Variants in NYAP2 observed in about 807,000 individuals in gnomAD.
NYAP2 encodes neuronal tyrosine-phosphorylated phosphoinositide-3-kinase adapter 2.
A neutral mutation model predicts 50.4 loss-of-function variants in NYAP2; 23 were observed. That is an observed-to-expected ratio of 0.46 (90% confidence interval 0.33 to 0.65). NYAP2 has a LOEUF of 0.65. Among genes scored for constraint, NYAP2 ranks in the 30% least tolerant of loss-of-function variants. The probability of loss-of-function intolerance (pLI) is 0.02; values close to 1 mark genes in which losing one functional copy is unlikely to be tolerated. For missense variants in NYAP2, 885 were observed against 861.0 expected (o/e 1.03, Z -0.35); for synonymous variants, 394 against 365.2 (o/e 1.08, Z -0.90).
At chr2:225,638,273 G>A (rs1041311158) in intron 6 of NYAP2, among the ~76,000 whole-genome samples, 2 of 151,674 alleles carry the variant, frequency 1.3e-5, no homozygotes, top group African/African-American at 4.8e-5. Flanking sequence ...AGAGGGGTGA[G>A]AAGTGTCTCC....
the NYAP2 span, among the ~76,000 whole-genome samples, chr2:225,691,951 C>G: frequency 3.9e-5 from 6 of 152,112 alleles, no homozygotes; most frequent in South Asian, 1.2e-3. Flanking sequence ...GGCCCAGAGA[C>G]AGCAACACAG....
At chr2:225,406,884 G>A (rs902035989) in intron 2 of NYAP2, among the ~76,000 whole-genome samples, 1 of 151,958 alleles carries the variant, frequency 6.6e-6, no homozygotes, top group Non-Finnish European at 1.5e-5. Context: ...TATAGAAACT[G>A]CGTAGGAATC....
intron 4 of NYAP2, among the ~76,000 whole-genome samples, chr2:225,558,504 C>T (rs1402972933): frequency 4.6e-5 from 7 of 152,130 alleles, no homozygotes; most frequent in East Asian, 1.9e-4. Flanking sequence ...ATTCTCATGT[C>T]GCATCTTGCT....
At chr2:225,680,743 G>A in the NYAP2 span, among the ~76,000 whole-genome samples, 1 of 152,194 alleles carries the variant, frequency 6.6e-6, no homozygotes, top group East Asian at 1.9e-4. Context: ...GTCAAAAGAT[G>A]AGGATTTGTT....
chr2:225,442,141 CT>C (rs1167624529), intron 3 of NYAP2, among the ~76,000 whole-genome samples: 3 of 152,164 alleles, frequency 2.0e-5, no homozygotes, highest in Non-Finnish European at 4.4e-5. Context: ...ATCAGCAGGT[CT>C]TGACTTCAGA....
intron 3 of NYAP2, among the ~76,000 whole-genome samples, chr2:225,435,953 G>A (rs544575760): frequency 1.3e-5 from 2 of 152,120 alleles, no homozygotes; most frequent in African/African-American, 4.8e-5. Context: ...TTATGGGGTG[G>A]TTGCAATCAT....
intron 5 of NYAP2, among the ~76,000 whole-genome samples, chr2:225,596,862 T>C (rs989164263): frequency 6.6e-6 from 1 of 152,184 alleles, no homozygotes; most frequent in Non-Finnish European, 1.5e-5. Flanking sequence ...TATCATGTTG[T>C]CGACAGCAAA....
chr2:225,493,774 T>G (rs1397590842), intron 3 of NYAP2, among the ~76,000 whole-genome samples: 1 of 152,312 alleles, frequency 6.6e-6, no homozygotes, highest in South Asian at 2.1e-4. Flanking sequence ...AAGAAAAGAA[T>G]TTTTTTGGTG....
chr2:225,417,233 C>G (rs1007083216), intron 3 of NYAP2, among the ~76,000 whole-genome samples: 4 of 152,110 alleles, frequency 2.6e-5, no homozygotes, highest in Admixed American at 2.0e-4. Context: ...ACAAATGAAA[C>G]TGCTAGAATA....
chr2:225,484,111 A>T (rs1007648710), intron 3 of NYAP2, among the ~76,000 whole-genome samples: 1 of 152,168 alleles, frequency 6.6e-6, no homozygotes, highest in Non-Finnish European at 1.5e-5. Context: ...CAGGTTTTTA[A>T]GTTGGTGCTT....
rs1444770171 is a variant in NYAP2, at chr2:225,483,441, A to G, written c.222-29930A>G. ...GGTTTGAGCAGAGACTTTGAAAAGA[A>G]ATAGTATTGTTTTCTTACTCAGTTC... On this transcript the variant is annotated intron_variant, in intron 3 of 6. Coordinates refer to ENST00000636099, the Ensembl canonical transcript of NYAP2. Among the ~76,000 whole-genome samples the G allele has an allele frequency of 2.6e-5, 4 of 152,202 alleles. No individual in the cohort carries two copies. In the East Asian group the frequency reaches 5.8e-4, roughly 22 times the overall value.
rs747528697 is a variant in NYAP2, at chr2:225,582,088, G to A, written c.671G>A (p.Arg224Gln). 1.4e-5 allele frequency: 22 copies of A among 1,613,858 alleles called. No homozygotes were observed. In the African/African-American group the frequency reaches 1.9e-4, roughly 14 times the overall value. ...GGGCCCCGGAGGACGTCGCTGCCGC[G>A]GGACTCCTCCTTGTCCCAGATGGGC... The change falls in exon 5 of 7, where the codon CGG (arginine) becomes CAG (glutamine). Residue 224 changes from arginine to glutamine, a missense_variant. Coordinates refer to ENST00000636099, the Ensembl canonical transcript of NYAP2. This position sits in a 1 kb window ranked among gnomAD's most constrained non-coding sequence, Gnocchi z 7.0.
chr2:225,487,126 A>G (rs1392664483), intron 3 of NYAP2, among the ~76,000 whole-genome samples: 1 of 152,162 alleles, frequency 6.6e-6, no homozygotes, highest in African/African-American at 2.4e-5. Context: ...CTTCCCTCTC[A>G]TTGGGAAGGA....
chr2:225,593,735 CATG>C (rs1166512173), intron 5 of NYAP2, among the ~76,000 whole-genome samples: 18 of 152,122 alleles, frequency 1.2e-4, no homozygotes, highest in African/African-American at 2.9e-4. Context: ...CAAGTTGGTA[CATG>C]ATAAGTATTT....
At chr2:225,591,324 G>C (rs1692498787) in intron 5 of NYAP2, among the ~76,000 whole-genome samples, 1 of 152,150 alleles carries the variant, frequency 6.6e-6, no homozygotes. Flanking sequence ...CCAAGGAGCT[G>C]AGGAATTGGG....
intron 5 of NYAP2, among the ~76,000 whole-genome samples, chr2:225,584,641 A>G (rs1574693709): frequency 6.6e-6 from 1 of 152,230 alleles, no homozygotes; most frequent in South Asian, 2.1e-4. Flanking sequence ...GAAAATGACA[A>G]TGGCATTTTT....
At chr2:225,598,618 G>T (rs967632103) in intron 5 of NYAP2, among the ~76,000 whole-genome samples, 12 of 152,296 alleles carry the variant, frequency 7.9e-5, no homozygotes, top group Middle Eastern at 6.8e-3. Context: ...TAAAACATGT[G>T]TGTAACCACA....
chr2:225,609,732 A>T (rs1203059340), intron 5 of NYAP2, among the ~76,000 whole-genome samples: 1 of 152,122 alleles, frequency 6.6e-6, no homozygotes, highest in Non-Finnish European at 1.5e-5. Context: ...TTCTTTATTT[A>T]AATCTGCCCC....
Position 225,599,136 on chromosome 2 carries a change from C to G in NYAP2, c.1618+16101C>G, listed in dbSNP as rs1033243967. 4.6e-5 allele frequency among the ~76,000 whole-genome samples: 7 copies of G among 152,106 alleles called. No individual in the cohort carries two copies. In the South Asian group the frequency reaches 1.5e-3, roughly 32 times the overall value. ...AGAGAAGACTGTGGAAGCTATTGAGCAAGATAAGTGAAGGCATACCCGAGT... is the reference window on the plus strand; with the variant it reads ...AGAGAAGACTGTGGAAGCTATTGAGGAAGATAAGTGAAGGCATACCCGAGT... On this transcript the variant is annotated intron_variant, in intron 5 of 6. Coordinates refer to ENST00000636099, the Ensembl canonical transcript of NYAP2.
Sources: gnomAD v4.1 joint callset for allele counts (sites outside exome capture counted in the v4.1 genomes callset) on GRCh38, gnomAD v4.1.1 for gene constraint, Gnocchi (gnomAD v3.1) non-coding constraint, MANE v1.5 for transcripts, NCBI Gene and HGNC (gene_info 2026-07-23, HGNC 2026-07-21) for gene names.